ADCY10: variants seen among roughly 807,000 people sequenced by gnomAD.
ADCY10 encodes the protein adenylate cyclase 10, also known as adenylate cyclase type 10.
ADCY10 carries 156 observed loss-of-function variants against 183.3 expected under a neutral mutation model. The observed-to-expected ratio is 0.85, with a 90% confidence interval of 0.75 to 0.97. The LOEUF is 0.97. Ranked by LOEUF, ADCY10 falls within the 50% of genes least tolerant of loss-of-function variation. The pLI is 0.00. For missense variants in ADCY10, 1,745 were observed against 1,934.3 expected (o/e 0.90, Z 1.84); for synonymous variants, 645 against 670.0 (o/e 0.96, Z 0.58).
intron 13 of ADCY10, among the ~76,000 whole-genome samples, chr1:167,871,753 G>C (rs1418164007): frequency 6.6e-6 from 1 of 152,200 alleles, no homozygotes; most frequent in South Asian, 2.1e-4. Context: ...GCTTTGCTTG[G>C]TAATATACAT....
In ADCY10 at chr1:167,822,945, C is replaced by T. The variant is rs561468515; in HGVS notation, c.4168+63G>A. On this transcript the variant is annotated intron_variant, in intron 29 of 32. Transcript: ENST00000367851. ...CCCAAAGCCCCAACCTGAGAGCTGCCACACCACACCAGCACAGGTATCAAC... is the reference window on the plus strand; with the variant it reads ...CCCAAAGCCCCAACCTGAGAGCTGCTACACCACACCAGCACAGGTATCAAC... The T allele has an allele frequency of 4.2e-6, 6 of 1,428,402 alleles. No individual in the cohort carries two copies. The East Asian group carries it at 1.4e-4, about 33-fold the overall frequency. 88.5% of individuals were successfully genotyped at this position (1,428,402 alleles called of 1,614,324 possible).
chr1:167,875,658 A>T (rs12754453), intron 12 of ADCY10, among the ~76,000 whole-genome samples: 22,481 of 152,152 alleles, frequency 0.15, 1,956 homozygotes, highest in Middle Eastern at 0.24. Flanking sequence ...CACTGTTAAG[A>T]AGTACTACTT....
rs1036003670 is a variant in ADCY10, at chr1:167,834,213, T to A, written c.3310-136A>T. The A allele has an allele frequency of 1.3e-5, 9 of 714,220 alleles. No homozygotes were observed. The African/African-American group carries it at 1.6e-4, about 13-fold the overall frequency. The allele number at this position is 714,220 out of a possible 1,614,324, so 44.2% of individuals were successfully genotyped here. ...TACCACCTCCACTTCCATCCCCAGC[T>A]CCACTGATTAAAATGGGCTTCCAAA... On this transcript the variant is annotated intron_variant, in intron 23 of 32. Transcript: ENST00000367851.
chr1:167,883,653 G>A (rs1457529015), intron 8 of ADCY10, 25 bp from the exon 9 acceptor site: 18 of 1,613,538 alleles, frequency 1.1e-5, no homozygotes, highest in Non-Finnish European at 1.4e-5. Context: ...GCAGCTTTCT[G>A]TAGGTGTCCT....
chr1:167,906,851 A>G (rs941573566), intron 1 of ADCY10, among the ~76,000 whole-genome samples: 1 of 152,162 alleles, frequency 6.6e-6, no homozygotes, highest in South Asian at 2.1e-4. Context: ...AGAATGAAAG[A>G]CTTACAAAAA....
At chr1:167,883,691 C>A in intron 8 of ADCY10, 63 bp from the exon 9 acceptor site, 1 of 1,502,610 alleles carries the variant, frequency 6.7e-7, no homozygotes, top group Non-Finnish European at 9.3e-7. Context: ...CCCAACACCG[C>A]CCCCACCTCA....
chr1:167,859,695 A>C (rs919710968), intron 16 of ADCY10, 112 bp downstream of exon 16: 39 of 828,598 alleles, frequency 4.7e-5, no homozygotes, highest in African/African-American at 4.2e-4. Context: ...CAAAGCCTTC[A>C]CATCCTTCAA....
intron 21 of ADCY10, among the ~76,000 whole-genome samples, chr1:167,843,002 A>C (rs940493706): frequency 7.2e-5 from 11 of 152,196 alleles, no homozygotes; most frequent in African/African-American, 2.7e-4. Flanking sequence ...GAATTTACAA[A>C]GTCTCTAAAG....
chr1:167,875,066 T>C (rs1183823848), intron 13 of ADCY10, 65 bp downstream of exon 13: 2 of 1,229,488 alleles, frequency 1.6e-6, no homozygotes, highest in East Asian at 2.3e-5. Context: ...TTATCATTGA[T>C]GTACTTTTCT....
chr1:167,845,369 C>T (rs1049476989), intron 21 of ADCY10, 194 bp downstream of exon 21: 3 of 621,354 alleles, frequency 4.8e-6, no homozygotes, highest in Non-Finnish European at 2.8e-6. Flanking sequence ...GAGATTGGTT[C>T]GCTAGACTCA....
chr1:167,904,082 C>CT (rs879025060), intron 2 of ADCY10, 91 bp from the exon 3 acceptor site: 23,270 of 353,018 alleles, frequency 0.066, 37 homozygotes, highest in South Asian at 0.094. Context: ...CGGGCCTCAG[C>CT]TTTTTTTTTT....
At position 167,837,322 on chromosome 1, in the gene ADCY10, G is replaced by C; in HGVS notation, c.3008-4C>G. The stretch of plus-strand genomic sequence containing the variant: ...GACAAGATAAGCTTTTCTTCAGCTA[G>C]AAAATAAACAAATGAGTTGTATGGG... On this transcript the variant is annotated splice_polypyrimidine_tract_variant and splice_region_variant and intron_variant, in intron 21 of 32. Coordinates refer to ENST00000367851, the MANE Select transcript of ADCY10 (RefSeq NM_018417.6). 3.1e-6 allele frequency: 5 copies of C among 1,612,316 alleles called. No individual in the cohort carries two copies. Among genetic ancestry groups the C allele is most frequent in the Non-Finnish European group, 4.2e-6 (5 of 1,178,378 alleles).
intron 8 of ADCY10, 55 bp from the exon 9 acceptor site, chr1:167,883,683 C>T: frequency 1.3e-6 from 2 of 1,551,132 alleles, no homozygotes; most frequent in Non-Finnish European, 1.8e-6. Context: ...ATCCCTCCCC[C>T]AACACCGCCC....
At chr1:167,901,130 A>G (rs943805516) in intron 5 of ADCY10, among the ~76,000 whole-genome samples, 1 of 152,204 alleles carries the variant, frequency 6.6e-6, no homozygotes, top group African/African-American at 2.4e-5. Context: ...AATGTCTGCA[A>G]TGTAATAAGG....
chr1:167,884,258 G>A (rs957692246), intron 8 of ADCY10, among the ~76,000 whole-genome samples: 13 of 152,186 alleles, frequency 8.5e-5, no homozygotes, highest in Admixed American at 3.3e-4. Context: ...AAGCATGGCT[G>A]GGGAGGACTC....
chr1:167,835,857 T>C (rs960411766), intron 23 of ADCY10, among the ~76,000 whole-genome samples: 9 of 152,070 alleles, frequency 5.9e-5, no homozygotes, highest in Non-Finnish European at 1.2e-4. Flanking sequence ...GCCACTACAC[T>C]CCAGCCTGGG....
chr1:167,850,683 G>GTT, intron 18 of ADCY10, among the ~76,000 whole-genome samples: 1 of 130,374 alleles, frequency 7.7e-6, no homozygotes, highest in South Asian at 2.5e-4. Context: ...GTGTGTGTGT[G>GTT]TGTGTGTGTG....
rs942404488 is a variant in ADCY10, at chr1:167,832,591, G to A, written c.3593+396C>T. Among the ~76,000 whole-genome samples, 7 of 152,072 alleles carry A rather than the reference G, an allele frequency of 4.6e-5. No individual in the cohort carries two copies. In the South Asian group the frequency reaches 6.2e-4, roughly 14 times the overall value. ...AGGGCTTGCTATTTTTCTTTGGGGC[G>A]GGGCAAAACCCAGTGTCTTAGCACC... On this transcript the variant is annotated intron_variant, in intron 25 of 32. Transcript: ENST00000367851.
At chr1:167,820,406 G>A in intron 30 of ADCY10, 1 of 528,834 alleles carries the variant, frequency 1.9e-6, no homozygotes, top group East Asian at 3.3e-5. Context: ...CCGAGAGCTG[G>A]CCGACTGCCC....
Sources: allele counts gnomAD v4.1 joint callset (sites outside exome capture counted in the v4.1 genomes callset), GRCh38; gene constraint gnomAD v4.1.1; transcripts MANE v1.5; gene names NCBI Gene and HGNC (gene_info 2026-07-23, HGNC 2026-07-21).